Variants in HACL1 observed in about 807,000 individuals in gnomAD.
The protein encoded by HACL1 is 2-hydroxyacyl-CoA lyase 1, also known as 1600020H07Rik.
HACL1 carries 64 observed loss-of-function variants against 74.2 expected under a neutral mutation model. That is an observed-to-expected ratio of 0.86 (90% CI 0.70 to 1.06). The LOEUF (loss-of-function observed/expected upper bound fraction) is 1.06. Ranked by LOEUF, HACL1 falls within the 50% of genes least tolerant of loss-of-function variation. The pLI, the probability that HACL1 is intolerant of heterozygous loss-of-function variation, is 0.00. For missense variants in HACL1, 728 were observed against 719.7 expected (o/e 1.01, Z -0.13); for synonymous variants, 230 against 238.8 (o/e 0.96, Z 0.34).
chr3:15,572,418 G>T (rs2063551150), intron 11 of HACL1, among the ~76,000 whole-genome samples: 1 of 152,164 alleles, frequency 6.6e-6, no homozygotes, highest in Non-Finnish European at 1.5e-5. Flanking sequence ...GGACAGACTG[G>T]AGTGCTACCT....
chr3:15,595,204 A>C (rs1364443026), intron 3 of HACL1, among the ~76,000 whole-genome samples: 1 of 152,080 alleles, frequency 6.6e-6, no homozygotes, highest in African/African-American at 2.4e-5. Flanking sequence ...GGCATTAATT[A>C]ATAACTATAA....
Position 15,560,699 on chromosome 3 carries a change from T to C in HACL1, c.*166A>G, listed in dbSNP as rs2063333017. ...GTGGCAGAATAACTTTTTCTGTTAC[T>C]TTTTCTAACTTTTTCTGTTTTTAAT... On this transcript the variant is annotated 3_prime_UTR_variant, in exon 17 of 17. Coordinates refer to ENST00000321169, the MANE Select transcript of HACL1 (RefSeq NM_012260.4). 3 of 637,132 alleles carry C rather than the reference T, an allele frequency of 4.7e-6. No individual in the cohort carries two copies. The highest frequency in any genetic ancestry group is 8.5e-6 in the Non-Finnish European group (3 of 353,722). 39.5% of individuals were successfully genotyped at this position (637,132 alleles called of 1,614,324 possible).
At chr3:15,594,389 C>T (rs1426903072) in intron 3 of HACL1, among the ~76,000 whole-genome samples, 1 of 152,268 alleles carries the variant, frequency 6.6e-6, no homozygotes, top group South Asian at 2.1e-4. Flanking sequence ...ATGGAGACGA[C>T]AGAGTGAGAC....
In HACL1 at chr3:15,601,526, C is replaced by T. The variant is rs192164652; in HGVS notation, c.-63G>A. ...AAACAAGCGGAATCATCCAGCAAGG[C>T]AAACGCGAAATCGGCAGCACGCCAC... On this transcript the variant is annotated 5_prime_UTR_variant, in exon 1 of 17. Coordinates refer to ENST00000321169, the MANE Select transcript of HACL1 (RefSeq NM_012260.4). The T allele has an allele frequency of 9.3e-6, 15 of 1,608,582 alleles. No homozygotes were observed. The highest frequency in any genetic ancestry group is 4.5e-5 in the East Asian group (2 of 44,874).
chr3:15,593,846 G>A (rs568018759), intron 3 of HACL1, among the ~76,000 whole-genome samples: 55 of 132,202 alleles, frequency 4.2e-4, no homozygotes, highest in African/African-American at 1.5e-3. Flanking sequence ...TCCCCAGGCT[G>A]CAGTGCAATG....
At chr3:15,567,206 C>CTTTTT (rs34317560) in intron 14 of HACL1, among the ~76,000 whole-genome samples, 7 of 81,128 alleles carry the variant, frequency 8.6e-5, no homozygotes, top group South Asian at 5.3e-4. Flanking sequence ...GCCATGCTGC[C>CTTTTT]TTTTTTTTTT....
intron 3 of HACL1, among the ~76,000 whole-genome samples, chr3:15,592,019 C>A (rs191074599): frequency 7.0e-6 from 1 of 142,942 alleles, no homozygotes; most frequent in East Asian, 2.3e-4. Flanking sequence ...CGTATATATA[C>A]ACACACTACA....
At chr3:15,572,182 T>A (rs1249919024) in intron 11 of HACL1, among the ~76,000 whole-genome samples, 1 of 152,156 alleles carries the variant, frequency 6.6e-6, no homozygotes, top group Non-Finnish European at 1.5e-5. Flanking sequence ...CACGGAAGTA[T>A]CTTCTTAAAG....
intron 12 of HACL1, among the ~76,000 whole-genome samples, chr3:15,571,226 T>G (rs1049821568): frequency 1.3e-5 from 2 of 152,086 alleles, no homozygotes; most frequent in Admixed American, 1.3e-4. Flanking sequence ...CTTACTGCCT[T>G]GGCCTCCTAA....
chr3:15,596,787 A>T (rs772970376), intron 2 of HACL1, among the ~76,000 whole-genome samples: 3 of 151,946 alleles, frequency 2.0e-5, no homozygotes, highest in Non-Finnish European at 4.4e-5. Flanking sequence ...CAAAGAACAA[A>T]TTTTTTTAGT....
At position 15,560,923 on chromosome 3, in the gene HACL1, C is replaced by G; in HGVS notation, c.1705-26G>C. On this transcript the variant is annotated intron_variant, in intron 16 of 16. Coordinates refer to ENST00000321169, the MANE Select transcript of HACL1 (RefSeq NM_012260.4). ...CTAGAAAAAGAAGACAACAAACATT[C>G]AGTCAAAAGAAATGATTGTCTCAAA... The G allele has an allele frequency of 3.2e-6, 5 of 1,558,366 alleles. No individual in the cohort carries two copies. The South Asian group carries it at 5.6e-5, about 17-fold the overall frequency.
At chr3:15,585,796 C>T (rs1382623616) in intron 6 of HACL1, among the ~76,000 whole-genome samples, 2 of 152,134 alleles carry the variant, frequency 1.3e-5, no homozygotes, top group Non-Finnish European at 2.9e-5. Flanking sequence ...ATTTATAATA[C>T]AGGTTGAGTA....
rs759719001 is a variant in HACL1 at position 15,568,017 on chromosome 3, A to G, written c.1251-15T>C. 24 of 1,613,512 alleles carry G rather than the reference A, an allele frequency of 1.5e-5. No individual in the cohort carries two copies. The Admixed American group carries it at 2.7e-4, about 18-fold the overall frequency. On this transcript the variant is annotated splice_polypyrimidine_tract_variant and intron_variant, in intron 13 of 16. Coordinates refer to ENST00000321169, the MANE Select transcript of HACL1 (RefSeq NM_012260.4). ...CAGCATCAAGCCTGTTGGAGAACAA[A>G]GTTAAAATGAAACCCTCTGGGGCAT...
intron 8 of HACL1, among the ~76,000 whole-genome samples, chr3:15,581,035 G>C (rs2063708971): frequency 6.6e-6 from 1 of 152,236 alleles, no homozygotes. Flanking sequence ...CCAAGTAGCT[G>C]GGATTACAGG....
At chr3:15,563,904 T>C (rs1183858230) in intron 15 of HACL1, among the ~76,000 whole-genome samples, 7 of 152,214 alleles carry the variant, frequency 4.6e-5, no homozygotes, top group South Asian at 2.1e-4. Flanking sequence ...AGTTGCAGCA[T>C]GCCTAGTGGC....
chr3:15,563,526 C>G lies in HACL1; in HGVS notation c.1536G>C (p.Leu512Phe). ...CTTGCTCATAATGTGAATTTGGCAGCAAACACATTGGAGGGACCCTGAAAA... is the reference window on the plus strand; with the variant it reads ...CTTGCTCATAATGTGAATTTGGCAGGAAACACATTGGAGGGACCCTGAAAA... ...DATAVVPPMC[L>F]LPNSHYEQVM... The change falls in exon 16 of 17, where the codon TTG becomes TTC. Residue 512 changes from leucine (L) to phenylalanine (F), a missense_variant. Physicochemically the swap from Leu to Phe is conservative, Grantham distance 22. Coordinates refer to ENST00000321169, the MANE Select transcript of HACL1 (RefSeq NM_012260.4). 1 of 1,609,068 alleles carries G rather than the reference C, an allele frequency of 6.2e-7. No individual in the cohort carries two copies. Among genetic ancestry groups the G allele is most frequent in the South Asian group, 1.1e-5 (1 of 90,792 alleles).
intron 8 of HACL1, among the ~76,000 whole-genome samples, chr3:15,580,411 T>C (rs1047252440): frequency 2.0e-5 from 3 of 152,246 alleles, no homozygotes; most frequent in Non-Finnish European, 4.4e-5. Context: ...AAATTACTTG[T>C]AGATCTTCTC....
intron 13 of HACL1, among the ~76,000 whole-genome samples, chr3:15,568,227 T>C (rs376483123): frequency 2.6e-5 from 4 of 152,230 alleles, no homozygotes; most frequent in East Asian, 1.9e-4. Flanking sequence ...ATTCCTAGAA[T>C]ACTAAGTAAA....
At chr3:15,565,901 C>T (rs571727249) in intron 14 of HACL1, among the ~76,000 whole-genome samples, 7 of 152,110 alleles carry the variant, frequency 4.6e-5, no homozygotes, top group Non-Finnish European at 1.0e-4. Context: ...GTCATTATTC[C>T]CTAAGCAATA....
Sources: gnomAD v4.1 joint callset for allele counts (sites outside exome capture counted in the v4.1 genomes callset) on GRCh38, gnomAD v4.1.1 for gene constraint, MANE v1.5 for transcripts, NCBI Gene and HGNC (gene_info 2026-07-23, HGNC 2026-07-21) for gene names.